Variants in PAG1 observed in about 807,000 individuals in gnomAD.
The protein encoded by PAG1 is phosphoprotein associated with glycosphingolipid-enriched microdomains 1.
PAG1 carries 23 observed loss-of-function variants against 31.7 expected under a neutral mutation model. That is an observed-to-expected ratio of 0.73 (90% CI 0.52 to 1.03). PAG1 has a LOEUF of 1.03. Among genes scored for constraint, PAG1 ranks in the 50% least tolerant of loss-of-function variants. The probability of loss-of-function intolerance (pLI) is 0.00; values close to 1 mark genes in which losing one functional copy is unlikely to be tolerated. For synonymous variants in PAG1, 214 were observed against 210.3 expected (o/e 1.02, Z -0.15); for missense variants, 473 against 540.7 (o/e 0.87, Z 1.24).
At chr8:80,981,469 C>G (rs751844434) in intron 7 of PAG1, among the ~76,000 whole-genome samples, 23 of 152,082 alleles carry the variant, frequency 1.5e-4, no homozygotes, top group Non-Finnish European at 2.9e-4. Flanking sequence ...AACTCACAGT[C>G]TACTTTGCAT....
At chr8:80,978,813 T>C (rs1315775201) in intron 8 of PAG1, among the ~76,000 whole-genome samples, 1 of 152,228 alleles carries the variant, frequency 6.6e-6, no homozygotes, top group Non-Finnish European at 1.5e-5. Flanking sequence ...TTATTTTTAT[T>C]TTGTATACAG....
intron 2 of PAG1, among the ~76,000 whole-genome samples, chr8:81,054,691 A>G (rs974536842): frequency 6.6e-6 from 1 of 152,126 alleles, no homozygotes; most frequent in Non-Finnish European, 1.5e-5. Flanking sequence ...GAAAAAAAAA[A>G]GAGTATATTA....
In PAG1 at chr8:80,971,699, G is replaced by A. The variant is rs950663427; in HGVS notation, c.*4845C>T. The A allele has an allele frequency of 2.0e-5, 3 of 152,068 alleles. No individual in the cohort carries two copies. Among genetic ancestry groups the A allele is most frequent in the Non-Finnish European group, 4.4e-5 (3 of 68,004 alleles). The allele number at this position is 152,068 out of a possible 1,614,324, so 9.4% of individuals were successfully genotyped here. On this transcript the variant is annotated 3_prime_UTR_variant, in exon 9 of 9. Transcript: ENST00000220597. ...AAAAAATGTCTTTTAAGCAAAAATT[G>A]TATTTCTCTTTTCATGTTACATTAA...
intron 2 of PAG1, among the ~76,000 whole-genome samples, chr8:81,035,039 T>G (rs1200757833): frequency 1.3e-5 from 2 of 152,066 alleles, no homozygotes; most frequent in Non-Finnish European, 2.9e-5. Flanking sequence ...TATTTGGGTG[T>G]CGGTGGTGGC....
chr8:80,998,305 T>G (rs1807722850), intron 3 of PAG1, among the ~76,000 whole-genome samples: 1 of 152,044 alleles, frequency 6.6e-6, no homozygotes, highest in African/African-American at 2.4e-5. Flanking sequence ...AATTTTTGTA[T>G]TTTTAGTAGA....
chr8:81,005,775 C>T (rs1807865169), intron 3 of PAG1, among the ~76,000 whole-genome samples: 1 of 152,156 alleles, frequency 6.6e-6, no homozygotes, highest in South Asian at 2.1e-4. Context: ...GCCTCATAGG[C>T]TTCACTTGCC....
chr8:81,015,488 CATT>C (rs1479402792), intron 3 of PAG1, among the ~76,000 whole-genome samples: 1 of 152,206 alleles, frequency 6.6e-6, no homozygotes, highest in African/African-American at 2.4e-5. Flanking sequence ...TACCCACTTA[CATT>C]ATATTTCTGC....
intron 2 of PAG1, among the ~76,000 whole-genome samples, chr8:81,066,170 C>G (rs529656624): frequency 1.4e-4 from 22 of 152,346 alleles, no homozygotes; most frequent in Admixed American, 3.9e-4. Context: ...TTCTATCCAG[C>G]CTGCTGTTCC....
At chr8:80,988,636 G>A (rs778492707) in intron 5 of PAG1, among the ~76,000 whole-genome samples, 2 of 152,224 alleles carry the variant, frequency 1.3e-5, no homozygotes, top group South Asian at 4.1e-4. Flanking sequence ...GCTCCCATAA[G>A]AGATGGGATC....
chr8:81,057,283 T>C (rs986570103), intron 2 of PAG1, among the ~76,000 whole-genome samples: 1 of 152,146 alleles, frequency 6.6e-6, no homozygotes, highest in African/African-American at 2.4e-5. Flanking sequence ...ATGTTCATTG[T>C]GGCACTATTC....
chr8:81,101,236 C>A (rs1271403694), intron 1 of PAG1, among the ~76,000 whole-genome samples: 1 of 152,124 alleles, frequency 6.6e-6, no homozygotes, highest in Non-Finnish European at 1.5e-5. Context: ...TAATAAGACT[C>A]CAGATGTTTT....
At chr8:80,994,673 C>G (rs1272210167) in intron 3 of PAG1, among the ~76,000 whole-genome samples, 2 of 152,204 alleles carry the variant, frequency 1.3e-5, no homozygotes, top group Admixed American at 1.3e-4. Context: ...CACAGGGTCA[C>G]TGCACCCTGT....
At chr8:81,102,004 T>G (rs1200301377) in intron 1 of PAG1, among the ~76,000 whole-genome samples, 1 of 152,132 alleles carries the variant, frequency 6.6e-6, no homozygotes, top group Non-Finnish European at 1.5e-5. Flanking sequence ...ATAAATACAG[T>G]AGTGTCAAAT....
At chr8:81,084,560 A>G (rs981946558) in intron 1 of PAG1, among the ~76,000 whole-genome samples, 3 of 152,122 alleles carry the variant, frequency 2.0e-5, no homozygotes, top group African/African-American at 7.2e-5. Context: ...GACTTTTTCT[A>G]TGTGGGTGTC....
At chr8:81,011,421 A>G (rs1182219865) in intron 3 of PAG1, among the ~76,000 whole-genome samples, 1 of 152,190 alleles carries the variant, frequency 6.6e-6, no homozygotes, top group Non-Finnish European at 1.5e-5. Context: ...GCCTGCCGCC[A>G]TGTAAGACAT....
intron 3 of PAG1, among the ~76,000 whole-genome samples, chr8:80,994,971 T>C (rs1807640173): frequency 6.6e-6 from 1 of 152,250 alleles, no homozygotes; most frequent in African/African-American, 2.4e-5. Context: ...AAGCTGTGAC[T>C]GTTTTCAGCC....
At chr8:81,030,681 C>T (rs1021571196) in intron 2 of PAG1, among the ~76,000 whole-genome samples, 3 of 152,208 alleles carry the variant, frequency 2.0e-5, no homozygotes, top group Admixed American at 1.3e-4. Flanking sequence ...GCTACATGGG[C>T]GACTTCCCTC....
chr8:81,038,021 C>T (rs1440355748), intron 2 of PAG1, among the ~76,000 whole-genome samples: 1 of 152,184 alleles, frequency 6.6e-6, no homozygotes, highest in Non-Finnish European at 1.5e-5. Flanking sequence ...CGGGTTGTCT[C>T]TCACAAAGCC....
At chr8:80,988,672 G>A (rs1050374640) in intron 5 of PAG1, among the ~76,000 whole-genome samples, 1 of 152,084 alleles carries the variant, frequency 6.6e-6, no homozygotes, top group Admixed American at 6.5e-5. Context: ...GGCTGGTCTC[G>A]AACTCCTGGC....
Sources: allele counts gnomAD v4.1 joint callset (sites outside exome capture counted in the v4.1 genomes callset), GRCh38; gene constraint gnomAD v4.1.1; transcripts MANE v1.5; gene names NCBI Gene and HGNC (gene_info 2026-07-23, HGNC 2026-07-21).